GALNTL6: variants seen among roughly 807,000 people sequenced by gnomAD.
The protein encoded by GALNTL6 is polypeptide N-acetylgalactosaminyltransferase like 6, also known as polypeptide N-acetylgalactosaminyltransferase-like 6.
A neutral mutation model predicts 73.7 loss-of-function variants in GALNTL6; 46 were observed. The ratio of observed to expected loss-of-function variants is 0.62; its 90% confidence interval spans 0.49 to 0.80. The LOEUF (loss-of-function observed/expected upper bound fraction) is 0.80. Ranked by LOEUF, GALNTL6 falls within the 30% of genes least tolerant of loss-of-function variation. The pLI, the probability that GALNTL6 is intolerant of heterozygous loss-of-function variation, is 0.00. For missense variants in GALNTL6, 604 were observed against 755.0 expected (o/e 0.80, Z 2.34); for synonymous variants, 259 against 263.7 (o/e 0.98, Z 0.17).
chr4:172,129,479 A>C lies in GALNTL6; in HGVS notation c.139-100177A>C, dbSNP rs1026796027. 3.3e-5 allele frequency among the ~76,000 whole-genome samples: 5 copies of C among 152,178 alleles called. No individual in the cohort carries two copies. The South Asian group carries it at 6.2e-4, about 19-fold the overall frequency. ...AGAATCCTATTTCATTTTTTAATTTATCTCTCAAGATCATGCCCACCATTT... is the reference window on the plus strand; with the variant it reads ...AGAATCCTATTTCATTTTTTAATTTCTCTCTCAAGATCATGCCCACCATTT... On this transcript the variant is annotated intron_variant, in intron 2 of 12. Coordinates refer to ENST00000506823, the MANE Select transcript of GALNTL6 (RefSeq NM_001034845.3).
chr4:172,321,293 A>G (rs1385247422), intron 4 of GALNTL6, among the ~76,000 whole-genome samples: 2 of 152,160 alleles, frequency 1.3e-5, no homozygotes, highest in Non-Finnish European at 2.9e-5. Context: ...AAAAATAAAC[A>G]AGCAAATAAC....
chr4:172,621,440 A>G (rs1255589388), intron 5 of GALNTL6, among the ~76,000 whole-genome samples: 1 of 152,124 alleles, frequency 6.6e-6, no homozygotes, highest in Non-Finnish European at 1.5e-5. Context: ...TGTCTTTCAC[A>G]ATTGCTAGTT....
intron 2 of GALNTL6, among the ~76,000 whole-genome samples, chr4:172,039,743 A>G (rs187103868): frequency 2.6e-5 from 4 of 152,288 alleles, no homozygotes; most frequent in Admixed American, 2.6e-4. Context: ...ACTAAGGTTA[A>G]GAAGATTAAC....
At chr4:172,274,396 A>G (rs1409847963) in intron 3 of GALNTL6, among the ~76,000 whole-genome samples, 1 of 152,210 alleles carries the variant, frequency 6.6e-6, no homozygotes. Context: ...AAAAATTAAA[A>G]CTTGAAGAAT....
chr4:172,844,216 C>T (rs192207722), intron 7 of GALNTL6, among the ~76,000 whole-genome samples: 8 of 152,240 alleles, frequency 5.3e-5, no homozygotes, highest in Admixed American at 3.9e-4. Flanking sequence ...GAGAAAGTAA[C>T]GTTTTCCACG....
chr4:172,644,548 A>G (rs1740145673), intron 5 of GALNTL6, among the ~76,000 whole-genome samples: 1 of 151,998 alleles, frequency 6.6e-6, no homozygotes, highest in Non-Finnish European at 1.5e-5. Flanking sequence ...ATGGAGAGTC[A>G]TTCATGTATT....
chr4:172,225,963 G>A (rs1352318103), intron 2 of GALNTL6, among the ~76,000 whole-genome samples: 1 of 152,076 alleles, frequency 6.6e-6, no homozygotes, highest in Admixed American at 6.6e-5. Context: ...ATTATAAAGT[G>A]TTTTCTTGAT....
At chr4:171,932,338 T>C (rs931617490) in intron 2 of GALNTL6, among the ~76,000 whole-genome samples, 3 of 152,202 alleles carry the variant, frequency 2.0e-5, no homozygotes, top group Non-Finnish European at 4.4e-5. Flanking sequence ...TACGTGCCTT[T>C]TTTTCCGTAG....
intron 2 of GALNTL6, among the ~76,000 whole-genome samples, chr4:172,102,237 A>G (rs183242709): frequency 1.2e-3 from 180 of 152,332 alleles, no homozygotes; most frequent in African/African-American, 4.2e-3. Context: ...AAGCTAGGAT[A>G]TGTCTTCACC....
chr4:172,209,546 G>C (rs1450177035), intron 2 of GALNTL6, among the ~76,000 whole-genome samples: 2 of 151,598 alleles, frequency 1.3e-5, no homozygotes. Flanking sequence ...TAACAAGTAC[G>C]TACAAACAAG....
chr4:172,173,745 T>G (rs765535973), intron 2 of GALNTL6, among the ~76,000 whole-genome samples: 4 of 152,198 alleles, frequency 2.6e-5, no homozygotes, highest in Non-Finnish European at 5.9e-5. Context: ...TATTAGAATT[T>G]AGCCATTTGA....
At chr4:172,888,722 A>T (rs1745859988) in intron 8 of GALNTL6, among the ~76,000 whole-genome samples, 1 of 152,060 alleles carries the variant, frequency 6.6e-6, no homozygotes, top group Non-Finnish European at 1.5e-5. Flanking sequence ...TTTGCTTAGG[A>T]TTGCCTTGGC....
chr4:172,146,569 T>A (rs1384406495), intron 2 of GALNTL6, among the ~76,000 whole-genome samples: 3 of 152,204 alleles, frequency 2.0e-5, no homozygotes, highest in African/African-American at 7.2e-5. Context: ...AATGTATTAT[T>A]CAGAAGCTGC....
intron 2 of GALNTL6, among the ~76,000 whole-genome samples, chr4:172,185,781 T>A (rs542642531): frequency 6.6e-6 from 1 of 152,326 alleles, no homozygotes; most frequent in East Asian, 1.9e-4. Flanking sequence ...GAGGATTTTC[T>A]TGAGAATGTT....
At chr4:171,927,410 T>A (rs549570426) in intron 2 of GALNTL6, among the ~76,000 whole-genome samples, 1 of 152,262 alleles carries the variant, frequency 6.6e-6, no homozygotes, top group East Asian at 1.9e-4. Flanking sequence ...ACTGAGTCTA[T>A]GATTAAAAAT....
chr4:172,735,156 TATGC>T (rs1736387282), intron 5 of GALNTL6, among the ~76,000 whole-genome samples: 1 of 152,042 alleles, frequency 6.6e-6, no homozygotes, highest in African/African-American at 2.4e-5. Flanking sequence ...CAGCTTGCAC[TATGC>T]ACCTGGAAAA....
intron 5 of GALNTL6, among the ~76,000 whole-genome samples, chr4:172,358,425 G>A (rs1231179954): frequency 6.6e-6 from 1 of 152,272 alleles, no homozygotes; most frequent in Non-Finnish European, 1.5e-5. Context: ...CCCATGGCCT[G>A]CAGGCCGCGT....
At chr4:172,342,325 A>C (rs574683552) in intron 4 of GALNTL6, among the ~76,000 whole-genome samples, 1 of 152,140 alleles carries the variant, frequency 6.6e-6, no homozygotes, top group Non-Finnish European at 1.5e-5. Flanking sequence ...TTTCCAAAAG[A>C]TTATGTAATC....
At chr4:172,812,608 GAA>G (rs375642954) in intron 6 of GALNTL6, among the ~76,000 whole-genome samples, 1,601 of 136,132 alleles carry the variant, frequency 0.012, 26 homozygotes, top group African/African-American at 0.038. Context: ...TGTTGGAACT[GAA>G]AAAAAAAAAA....
Sources: gnomAD v4.1 joint callset for allele counts (sites outside exome capture counted in the v4.1 genomes callset) on GRCh38, gnomAD v4.1.1 for gene constraint, MANE v1.5 for transcripts, NCBI Gene and HGNC (gene_info 2026-07-23, HGNC 2026-07-21) for gene names.